FZR1: variants seen among roughly 807,000 people sequenced by gnomAD.
The protein encoded by FZR1 is fizzy and cell division cycle 20 related 1, also known as fizzy-related protein homolog.
In FZR1, 11 loss-of-function variants were observed where a neutral mutation model predicts 63.6. That is an observed-to-expected ratio of 0.17 (90% CI 0.11 to 0.29). FZR1 has a LOEUF of 0.29. Among genes scored for constraint, FZR1 ranks in the 10% least tolerant of loss-of-function variants. The pLI is 1.00. For synonymous variants in FZR1, 328 were observed against 297.9 expected, an observed-to-expected ratio of 1.10 and a Z score of -1.04; for missense variants, 440 against 687.5, an observed-to-expected ratio of 0.64 and a Z score of 4.03.
intron 1 of FZR1, chr19:3,521,320 A>G (rs2121935687): frequency 6.6e-6 from 1 of 152,302 alleles, no homozygotes; most frequent in Non-Finnish European, 1.5e-5. Context: ...CATCACTGAC[A>G]GACTCTGTGT....
At chr19:3,519,268 G>A (rs1327853106) in intron 1 of FZR1, among the ~76,000 whole-genome samples, 11 of 152,244 alleles carry the variant, frequency 7.2e-5, no homozygotes. Context: ...CTAGGCACAG[G>A]TCCTGGGGTC....
Position 3,535,141 on chromosome 19 carries a change from C to G in FZR1, c.*305C>G, listed in dbSNP as rs1462182344. The G allele has an allele frequency of 2.2e-6, 1 of 445,810 alleles. No homozygotes were observed. The highest frequency in any genetic ancestry group is 3.5e-5 in the Admixed American group (1 of 28,208). 27.6% of individuals were successfully genotyped at this position (445,810 alleles called of 1,614,324 possible). ...CCGTCTGTACTCAGAGCGACGGATG[C>G]CCCCTGGGACCCTCACTGCCTCCGT... is the stretch of plus-strand genomic sequence containing the variant. On this transcript the variant is annotated 3_prime_UTR_variant, in exon 14 of 14. Transcript: ENST00000441788.
intron 7 of FZR1, among the ~76,000 whole-genome samples, chr19:3,528,652 T>TGGATGGGAGAGC (rs2083188367): frequency 7.1e-6 from 1 of 141,050 alleles, no homozygotes; most frequent in Non-Finnish European, 1.6e-5. Flanking sequence ...GATGGGAGAG[T>TGGATGGGAGAGC]GGATGGGAGA....
Position 3,526,419 on chromosome 19 carries a change from G to C in FZR1, c.387+33G>C, listed in dbSNP as rs913733697. The C allele has an allele frequency of 2.0e-6, 3 of 1,532,788 alleles. No individual in the cohort carries two copies. The highest frequency in any genetic ancestry group is 2.6e-6 in the Non-Finnish European group (3 of 1,136,174). 94.9% of individuals were successfully genotyped at this position (1,532,788 alleles called of 1,614,324 possible). A position where few individuals can be genotyped will look rare whatever the true frequency, so the allele number is the denominator to read the frequency against. On this transcript the variant is annotated intron_variant, in intron 5 of 13. Coordinates refer to ENST00000441788, the MANE Select transcript of FZR1 (RefSeq NM_016263.4). The surrounding 1 kb of genome is among the most constrained non-coding windows in gnomAD (Gnocchi z 5.4). ...TGCGGCACCCCCCACCCGGGAGCTG[G>C]CTCCCAGTGCAGCCTCCCCGGCCCC...
In FZR1 at chr19:3,520,242, C is replaced by T. The variant is rs796340980; in HGVS notation, c.-34-2714C>T. On this transcript the variant is annotated intron_variant, in intron 1 of 13. Transcript: ENST00000441788. The stretch of plus-strand genomic sequence containing the variant: ...GAGGCAGCTGTGCCCTGTGGAGAAC[C>T]GGTGGGGACTGTGGGTGGGGAGAGG... Among the ~76,000 whole-genome samples the T allele has an allele frequency of 4.0e-5, 6 of 151,688 alleles. No individual in the cohort carries two copies. In the East Asian group the frequency reaches 7.8e-4, roughly 20 times the overall value.
chr19:3,525,439 T>C lies in FZR1; in HGVS notation c.70-429T>C, dbSNP rs10414130. Among the ~76,000 whole-genome samples, 103 of 113,898 alleles carry C rather than the reference T, an allele frequency of 9.0e-4. No homozygotes were observed. The highest frequency in any genetic ancestry group is 5.4e-3 in the African/African-American group (97 of 17,800). The allele number at this position is 113,898 out of a possible 152,430, so 74.7% of individuals were successfully genotyped here. A position where few individuals can be genotyped will look rare whatever the true frequency, so the allele number is the denominator to read the frequency against. On this transcript the variant is annotated intron_variant, in intron 2 of 13. Transcript: ENST00000441788. The surrounding 1 kb of genome is among the most constrained non-coding windows in gnomAD (Gnocchi z 4.2). The stretch of plus-strand genomic sequence containing the variant: ...CTCCCCTCCTTGGGTTTTCTTTTTT[T>C]TTTTTTTTTTTTTTTTTTTTTGAGA...
intron 1 of FZR1, among the ~76,000 whole-genome samples, chr19:3,517,356 C>T (rs552013774): frequency 6.6e-6 from 1 of 151,744 alleles, no homozygotes; most frequent in South Asian, 2.1e-4. Flanking sequence ...CACCACTGCT[C>T]TCCAGCCTAG....
chr19:3,535,684 A>T lies in FZR1; in HGVS notation c.*848A>T, dbSNP rs1279928104. The T allele has an allele frequency of 6.6e-6, 1 of 152,324 alleles. No individual in the cohort carries two copies. Among genetic ancestry groups the T allele is most frequent in the Non-Finnish European group, 1.5e-5 (1 of 68,098 alleles). The allele number at this position is 152,324 out of a possible 1,614,324, so 9.4% of individuals were successfully genotyped here. A position where few individuals can be genotyped will look rare whatever the true frequency, so the allele number is the denominator to read the frequency against. ...CGTGCATTCGCCAACACGTGCCCTC[A>T]CAGGGCCAGCGTCCTCCTTCCCTGC... is the stretch of plus-strand genomic sequence containing the variant. On this transcript the variant is annotated 3_prime_UTR_variant, in exon 14 of 14. Transcript: ENST00000441788.
Position 3,526,483 on chromosome 19 carries a change from T to G in FZR1, c.387+97T>G, listed in dbSNP as rs539999401. ...ACCAGCTCTGCCTCCCCGAGCCCGG[T>G]TCTCGGGCCCAGCCACGGCTCAGCA... On this transcript the variant is annotated intron_variant, in intron 5 of 13. Coordinates refer to ENST00000441788, the MANE Select transcript of FZR1 (RefSeq NM_016263.4). This position sits in a 1 kb window ranked among gnomAD's most constrained non-coding sequence, Gnocchi z 5.4. 5.9e-6 allele frequency: 6 copies of G among 1,012,080 alleles called. No homozygotes were observed. The highest frequency in any genetic ancestry group is 8.7e-6 in the Non-Finnish European group (6 of 688,212). The allele number at this position is 1,012,080 out of a possible 1,614,324, so 62.7% of individuals were successfully genotyped here.
chr19:3,518,289 G>A (rs2083073925), intron 1 of FZR1, among the ~76,000 whole-genome samples: 1 of 152,114 alleles, frequency 6.6e-6, no homozygotes, highest in South Asian at 2.1e-4. Flanking sequence ...GCCTCTGTTT[G>A]TATTTTTTGT....
Position 3,516,503 on chromosome 19 carries a change from C to T in FZR1, c.-34-6453C>T, listed in dbSNP as rs2083059541. Among the ~76,000 whole-genome samples, 1 of 152,202 alleles carries T rather than the reference C, an allele frequency of 6.6e-6. No individual in the cohort carries two copies. The highest frequency in any genetic ancestry group is 1.5e-5 in the Non-Finnish European group (1 of 68,028). On this transcript the variant is annotated intron_variant, in intron 1 of 13. Transcript: ENST00000441788. This position sits in a 1 kb window ranked among gnomAD's most constrained non-coding sequence, Gnocchi z 6.0. ...CCTGGATTTTGTTCTTCCTGCAGCG[C>T]AGCTGAGCGAGGGGCTTAGAGGGGT...
In FZR1 at chr19:3,531,974, G is replaced by GGGACATCCGCACCCCGCCACTGCAGTC; in HGVS notation, c.891_917dup (p.Asp297_Ser305dup). The GGGACATCCGCACCCCGCCACTGCAGTC allele has an allele frequency of 5.1e-6, 8 of 1,575,268 alleles. No individual in the cohort carries two copies. Among genetic ancestry groups the GGGACATCCGCACCCCGCCACTGCAGTC allele is most frequent in the Non-Finnish European group, 6.9e-6 (8 of 1,164,688 alleles). On this transcript the variant is annotated inframe_insertion, in exon 10 of 14. Transcript: ENST00000441788. ...AGCCGCGACCGCATGATCCTGCAGAGGGACATCCGCACCCCGCCACTGCAG... is the reference window on the plus strand; with the variant it reads ...AGCCGCGACCGCATGATCCTGCAGAGGGACATCCGCACCCCGCCACTGCAGTCGGACATCCGCACCCCGCCACTGCAG...
chr19:3,527,765 G>T lies in FZR1; in HGVS notation c.605G>T (p.Ser202Ile). The change falls in exon 7 of 14, where the codon AGC becomes ATC. Residue 202 changes from serine to isoleucine, a missense_variant. Physicochemically the swap from Ser to Ile is moderately radical, Grantham distance 142 (BLOSUM62 -2). This residue lies in a region of FZR1 where 208 missense variants were observed against 363.6 expected (regional missense o/e 0.57). Transcript: ENST00000441788. ...GACTGGTCGTCCCTCAATGTGCTCAGCGTGGGGCTAGGCACCTGCGTGTAC... is the reference window on the plus strand; with the variant it reads ...GACTGGTCGTCCCTCAATGTGCTCATCGTGGGGCTAGGCACCTGCGTGTAC... Reference protein sequence around the residue: ...LVDWSSLNVLSVGLGTCVYLW... With the variant: ...LVDWSSLNVLIVGLGTCVYLW... 1.2e-6 allele frequency: 2 copies of T among 1,612,926 alleles called. No homozygotes were observed. The highest frequency in any genetic ancestry group is 8.5e-7 in the Non-Finnish European group (1 of 1,179,862).
chr19:3,528,716 TTAGGGA>T lies in FZR1; in HGVS notation c.654+903_654+908del, dbSNP rs2083190172. On this transcript the variant is annotated intron_variant, in intron 7 of 13. Transcript: ENST00000441788. ...ATGAGAGAGTGGATGGGTGAGCAGA[TTAGGGA>T]GTGGATGGGTGAGTGGATGGGAGAG... Among the ~76,000 whole-genome samples, 4 of 121,322 alleles carry T rather than the reference TTAGGGA, an allele frequency of 3.3e-5. No homozygotes were observed. The South Asian group carries it at 1.1e-3, about 32-fold the overall frequency. The allele number at this position is 121,322 out of a possible 152,430, so 79.6% of individuals were successfully genotyped here.
chr19:3,516,614 G>A lies in FZR1; in HGVS notation c.-34-6342G>A, dbSNP rs1005922353. On this transcript the variant is annotated intron_variant, in intron 1 of 13. Coordinates refer to ENST00000441788, the MANE Select transcript of FZR1 (RefSeq NM_016263.4). This position sits in a 1 kb window ranked among gnomAD's most constrained non-coding sequence, Gnocchi z 6.0. ...AGGTGCCCCGGGAGGCCCCAGGCCC[G>A]GGATACAGGACCCTCCAGATCTCGG... Among the ~76,000 whole-genome samples, 2 of 152,102 alleles carry A rather than the reference G, an allele frequency of 1.3e-5. No individual in the cohort carries two copies. Among genetic ancestry groups the A allele is most frequent in the African/African-American group, 4.8e-5 (2 of 41,416 alleles).
chr19:3,526,946 C>G lies in FZR1; in HGVS notation c.388-34C>G. 1 of 1,503,444 alleles carries G rather than the reference C, an allele frequency of 6.7e-7. No individual in the cohort carries two copies. The highest frequency in any genetic ancestry group is 2.3e-5 in the East Asian group (1 of 44,406). 93.1% of individuals were successfully genotyped at this position (1,503,444 alleles called of 1,614,324 possible). The stretch of plus-strand genomic sequence containing the variant: ...GGCTCTGAGGGTCCTGCGGCCTGGG[C>G]GTGCGCTCAGCTGGCATGTCCCCCG... On this transcript the variant is annotated intron_variant, in intron 5 of 13. Coordinates refer to ENST00000441788, the MANE Select transcript of FZR1 (RefSeq NM_016263.4). The surrounding 1 kb of genome is among the most constrained non-coding windows in gnomAD (Gnocchi z 5.4).
In FZR1 at chr19:3,535,386, C is replaced by T. The variant is rs74867937; in HGVS notation, c.*550C>T. On this transcript the variant is annotated 3_prime_UTR_variant, in exon 14 of 14. Transcript: ENST00000441788. ...GCTCGGGGCCACTGGCGGAGCCAGC[C>T]TGTGGATCCAAGAGACAGTCCCCAC... is the stretch of plus-strand genomic sequence containing the variant. 0.099 allele frequency: 15,261 copies of T among 154,152 alleles called. 1,083 individuals are homozygous for T. The highest frequency in any genetic ancestry group is 0.21 in the Middle Eastern group (61 of 296). 9.5% of individuals were successfully genotyped at this position (154,152 alleles called of 1,614,324 possible).
At chr19:3,511,394 A>C (rs2083023471) in intron 1 of FZR1, among the ~76,000 whole-genome samples, 1 of 152,062 alleles carries the variant, frequency 6.6e-6, no homozygotes, top group African/African-American at 2.4e-5. Flanking sequence ...TCCACTCTAG[A>C]CTGCTATTCA....
chr19:3,532,875 G>A (rs564537250), intron 11 of FZR1, among the ~76,000 whole-genome samples: 14 of 152,124 alleles, frequency 9.2e-5, no homozygotes, highest in African/African-American at 3.4e-4. Flanking sequence ...GGCCCCCATC[G>A]CAGCCACACC....
Sources: gnomAD v4.1 joint callset for allele counts (sites outside exome capture counted in the v4.1 genomes callset) on GRCh38, gnomAD v4.1.1 for gene constraint, gnomAD v4.1.1 regional missense constraint, Gnocchi (gnomAD v3.1) non-coding constraint, MANE v1.5 for transcripts, NCBI Gene and HGNC (gene_info 2026-07-23, HGNC 2026-07-21) for gene names.